LGALS8: variants seen among roughly 807,000 people sequenced by gnomAD.
The protein encoded by LGALS8 is galectin-8.
LGALS8 carries 30 observed loss-of-function variants against 35.9 expected under a neutral mutation model. That is an observed-to-expected ratio of 0.83 (90% CI 0.62 to 1.13). The LOEUF is 1.13. Among genes scored for constraint, LGALS8 ranks in the 50% most tolerant of loss-of-function variants. The pLI is 0.00. For missense variants in LGALS8, 366 were observed against 388.7 expected, an observed-to-expected ratio of 0.94 and a Z score of 0.49; for synonymous variants, 138 against 136.1, an observed-to-expected ratio of 1.01 and a Z score of -0.10.
chr1:236,534,419 C>A (rs1306923142), intron 2 of LGALS8, among the ~76,000 whole-genome samples: 1 of 152,116 alleles, frequency 6.6e-6, no homozygotes. Flanking sequence ...GTGGCGTAAG[C>A]TTGTGGTATT....
At position 236,551,016 on chromosome 1, in the gene LGALS8, A is replaced by G; in HGVS notation, c.*2855A>G. The G allele has an allele frequency of 6.5e-7, 1 of 1,527,402 alleles. No homozygotes were observed. The highest frequency in any genetic ancestry group is 8.9e-7 in the Non-Finnish European group (1 of 1,123,998). The allele number at this position is 1,527,402 out of a possible 1,614,324, so 94.6% of individuals were successfully genotyped here. On this transcript the variant is annotated 3_prime_UTR_variant, in exon 10 of 10. Transcript: ENST00000366584. ...CTAAAAAAAAAAAAAAAAAATCAAAATTAAAATCTGAGTCAGTCCGCCTGC... is the reference window on the plus strand; with the variant it reads ...CTAAAAAAAAAAAAAAAAAATCAAAGTTAAAATCTGAGTCAGTCCGCCTGC...
chr1:236,533,226 G>A (rs1209865353), intron 2 of LGALS8, among the ~76,000 whole-genome samples: 1 of 152,186 alleles, frequency 6.6e-6, no homozygotes, highest in Non-Finnish European at 1.5e-5. Context: ...TCTACCTGAA[G>A]TGGCAACTGA....
intron 9 of LGALS8, chr1:236,545,156 G>T: frequency 3.1e-6 from 1 of 323,086 alleles, no homozygotes; most frequent in South Asian, 6.0e-5. Context: ...TAAAATTCCT[G>T]TGTAGCCCCA....
In LGALS8 at chr1:236,551,122, A is replaced by AATTT; in HGVS notation, c.*2962_*2963insTTTA. The AATTT allele has an allele frequency of 1.4e-6, 1 of 728,792 alleles. No homozygotes were observed. Among genetic ancestry groups the AATTT allele is most frequent in the South Asian group, 2.0e-5 (1 of 49,578 alleles). The allele number at this position is 728,792 out of a possible 1,614,324, so 45.1% of individuals were successfully genotyped here. A position where few individuals can be genotyped will look rare whatever the true frequency, so the allele number is the denominator to read the frequency against. On this transcript the variant is annotated 3_prime_UTR_variant, in exon 10 of 10. Coordinates refer to ENST00000366584, the MANE Select transcript of LGALS8 (RefSeq NM_201544.4). Reference sequence around the variant, plus strand: ...TCAAAAGAGTGAAATGAAGCACATTAACAAAGCAGGAGGCGCCACGGACCG... The same window carrying AATTT: ...TCAAAAGAGTGAAATGAAGCACATTAATTTACAAAGCAGGAGGCGCCACGGACCG...
At chr1:236,546,029 T>G (rs947832698) in intron 9 of LGALS8, among the ~76,000 whole-genome samples, 2 of 152,206 alleles carry the variant, frequency 1.3e-5, no homozygotes, top group Non-Finnish European at 2.9e-5. Flanking sequence ...AACTTGTTTT[T>G]GACCTATCTG....
chr1:236,546,613 G>A (rs1662379202), intron 9 of LGALS8, among the ~76,000 whole-genome samples: 1 of 152,204 alleles, frequency 6.6e-6, no homozygotes, highest in Admixed American at 6.5e-5. Context: ...CTAGGCAAAG[G>A]ATGTGCCTTC....
intron 8 of LGALS8, 54 bp from the exon 9 acceptor site, chr1:236,544,696 T>G: frequency 7.1e-7 from 1 of 1,417,854 alleles, no homozygotes; most frequent in East Asian, 2.3e-5. Context: ...AAATTGCCAC[T>G]ACTCTGTCCT....
chr1:236,548,119 A>G lies in LGALS8; in HGVS notation c.912A>G (p.Glu304=). ...AGCTCAGCAGTATTGACACGCTGGA[A>G]ATTAATGGAGACATCCACTTACTGG... ...FKELSSIDTL[E]INGDIHLLEV... The change falls in exon 10 of 10, where the codon GAA becomes GAG. Residue 304 remains glutamate, a synonymous_variant. Coordinates refer to ENST00000366584, the MANE Select transcript of LGALS8 (RefSeq NM_201544.4). The G allele has an allele frequency of 6.2e-7, 1 of 1,614,082 alleles. No homozygotes were observed. The highest frequency in any genetic ancestry group is 8.5e-7 in the Non-Finnish European group (1 of 1,179,934).
At chr1:236,542,521 A>T (rs1662067498) in intron 6 of LGALS8, 1 of 562,374 alleles carries the variant, frequency 1.8e-6, no homozygotes, top group African/African-American at 1.9e-5. Flanking sequence ...TTATTAATTT[A>T]TGGTGGAGGA....
chr1:236,520,561 T>C (rs1171808088), upstream of LGALS8, among the ~76,000 whole-genome samples: 2 of 152,146 alleles, frequency 1.3e-5, no homozygotes, highest in African/African-American at 2.4e-5. Context: ...GAGTCAGCAA[T>C]GACATCCATG....
chr1:236,520,234 G>A (rs988239567), upstream of LGALS8, among the ~76,000 whole-genome samples: 1 of 151,996 alleles, frequency 6.6e-6, no homozygotes, highest in Non-Finnish European at 1.5e-5. Flanking sequence ...TGGGATTACA[G>A]GAGTGAGCCA....
upstream of LGALS8, among the ~76,000 whole-genome samples, chr1:236,520,378 TAA>T (rs35603699): frequency 1.6e-3 from 234 of 142,440 alleles, no homozygotes; most frequent in Admixed American, 1.9e-3. Context: ...ATCTTCTCTT[TAA>T]AAAAAAAAAA....
intron 3 of LGALS8, among the ~76,000 whole-genome samples, chr1:236,538,385 G>C (rs34208744): frequency 0.61 from 92,519 of 151,560 alleles, 29,101 homozygotes; most frequent in Non-Finnish European, 0.69. Flanking sequence ...AGACTCCTTC[G>C]AGCTCACCAC....
In LGALS8 at chr1:236,550,871, C is replaced by CT. The variant is rs893445042; in HGVS notation, c.*2711dup. 8 of 1,518,822 alleles carry CT rather than the reference C, an allele frequency of 5.3e-6. No homozygotes were observed. Among genetic ancestry groups the CT allele is most frequent in the Admixed American group, 4.3e-5 (2 of 45,990 alleles). The allele number at this position is 1,518,822 out of a possible 1,614,324, so 94.1% of individuals were successfully genotyped here. ...AAAATATGAAATATGAGTGTGAACTCTGAGTAGAGTATGAAACACCACAGA... is the reference window on the plus strand; with the variant it reads ...AAAATATGAAATATGAGTGTGAACTCTTGAGTAGAGTATGAAACACCACAGA... On this transcript the variant is annotated 3_prime_UTR_variant, in exon 10 of 10. Coordinates refer to ENST00000366584, the MANE Select transcript of LGALS8 (RefSeq NM_201544.4).
At chr1:236,519,444 G>C (rs911614281), upstream of LGALS8, among the ~76,000 whole-genome samples, 1 of 151,880 alleles carries the variant, frequency 6.6e-6, no homozygotes, top group African/African-American at 2.4e-5. Flanking sequence ...CCATATAAAT[G>C]TGGCTTCTTG....
Position 236,548,149 on chromosome 1 carries a change from A to T in LGALS8, c.942A>T (p.Val314=). 6.2e-7 allele frequency: 1 copy of T among 1,613,470 alleles called. No homozygotes were observed. Among genetic ancestry groups the T allele is most frequent in the Non-Finnish European group, 8.5e-7 (1 of 1,179,626 alleles). ...EINGDIHLLE[V]RSW ...ATGGAGACATCCACTTACTGGAAGT[A>T]AGGAGCTGGTAGCCTACCTACACAG... The change falls in exon 10 of 10, where the codon GTA becomes GTT. Residue 314 remains valine (V), a synonymous_variant. Coordinates refer to ENST00000366584, the MANE Select transcript of LGALS8 (RefSeq NM_201544.4).
At chr1:236,543,017 C>A (rs953657619) in intron 7 of LGALS8, 2 of 1,614,122 alleles carry the variant, frequency 1.2e-6, no homozygotes, top group East Asian at 4.5e-5. Context: ...CACCAAAATA[C>A]CACCTATGAA....
chr1:236,521,350 T>C (rs1660544418), upstream of LGALS8, among the ~76,000 whole-genome samples: 1 of 151,898 alleles, frequency 6.6e-6, no homozygotes, highest in Non-Finnish European at 1.5e-5. Flanking sequence ...AAAGGAAATA[T>C]TGAGTAAAGA....
chr1:236,518,381 A>T (rs906871881), intron 1 of LGALS8: 1 of 152,310 alleles, frequency 6.6e-6, no homozygotes, highest in South Asian at 2.1e-4. Context: ...AGGGGAGATT[A>T]GGTCAAAGCA....
Sources: allele counts gnomAD v4.1 joint callset (sites outside exome capture counted in the v4.1 genomes callset), GRCh38; gene constraint gnomAD v4.1.1; transcripts MANE v1.5; gene names NCBI Gene and HGNC (gene_info 2026-07-23, HGNC 2026-07-21).